Variants in XPNPEP1 observed in about 807,000 individuals in gnomAD.
The protein encoded by XPNPEP1 is X-prolyl aminopeptidase 1.
XPNPEP1 carries 39 observed loss-of-function variants against 92.4 expected under a neutral mutation model. The ratio of observed to expected loss-of-function variants is 0.42; its 90% confidence interval spans 0.33 to 0.55. The LOEUF is 0.55. Among genes scored for constraint, XPNPEP1 ranks in the 20% least tolerant of loss-of-function variants. The pLI is 0.08. For missense variants in XPNPEP1, 654 were observed against 856.1 expected, an observed-to-expected ratio of 0.76 and a Z score of 2.95; for synonymous variants, 307 against 299.4, an observed-to-expected ratio of 1.03 and a Z score of -0.26.
chr10:109,868,564 GTC>G, intron 20 of XPNPEP1, 48 bp downstream of exon 20: 3 of 1,428,870 alleles, frequency 2.1e-6, no homozygotes, highest in Non-Finnish European at 2.9e-6. Flanking sequence ...ATTTAAGGTA[GTC>G]TCCACCTCCC....
chr10:109,880,753 G>T (rs1422400254), intron 11 of XPNPEP1, 89 bp downstream of exon 11: 6 of 1,305,280 alleles, frequency 4.6e-6, no homozygotes, highest in African/African-American at 2.9e-5. Flanking sequence ...TTCTAACCTT[G>T]TGCCAGGCTC....
At chr10:109,906,301 G>C (rs1589617972) in intron 3 of XPNPEP1, among the ~76,000 whole-genome samples, 1 of 152,132 alleles carries the variant, frequency 6.6e-6, no homozygotes, top group South Asian at 2.1e-4. Flanking sequence ...TGAATTTGGG[G>C]GATTAAGGTT....
At chr10:109,908,989 G>A (rs1438726891) in intron 2 of XPNPEP1, among the ~76,000 whole-genome samples, 1 of 152,092 alleles carries the variant, frequency 6.6e-6, no homozygotes, top group Non-Finnish European at 1.5e-5. Flanking sequence ...TGGCGGGAGT[G>A]GCCGGGTGCG....
At chr10:109,912,178 C>G (rs1278663521) in intron 2 of XPNPEP1, among the ~76,000 whole-genome samples, 1 of 152,164 alleles carries the variant, frequency 6.6e-6, no homozygotes, top group Non-Finnish European at 1.5e-5. Context: ...TGACACTCCC[C>G]TCCACAATGC....
In XPNPEP1 at chr10:109,870,759, G is replaced by A. The variant is rs772806026; in HGVS notation, c.1668C>T (p.Pro556=). 4.0e-5 allele frequency: 64 copies of A among 1,613,946 alleles called. No individual in the cohort carries two copies. The Admixed American group carries it at 6.8e-4, about 17-fold the overall frequency. The change falls in exon 18 of 21, where the codon CCC becomes CCT. Residue 556 remains proline (P), a synonymous_variant. Transcript: ENST00000502935. Reference sequence around the variant, plus strand: ...CAGTGACAATCATGCCTGCCTCCAAGGGCTCATCAGAGAATGTTTTGTAAC... The same window carrying A: ...CAGTGACAATCATGCCTGCCTCCAAAGGCTCATCAGAGAATGTTTTGTAAC... ...GISYKTFSDE[P]LEAGMIVTDE... is the part of the protein sequence containing the mutation.
intron 7 of XPNPEP1, among the ~76,000 whole-genome samples, chr10:109,887,826 A>G (rs1473122562): frequency 1.3e-5 from 2 of 152,238 alleles, no homozygotes; most frequent in Non-Finnish European, 2.9e-5. Flanking sequence ...CACCCAAACG[A>G]GCTTTGCGAA....
At chr10:109,891,678 C>T in intron 5 of XPNPEP1, 44 bp downstream of exon 5, 1 of 1,486,752 alleles carries the variant, frequency 6.7e-7, no homozygotes, top group Non-Finnish European at 9.0e-7. Context: ...GATCCCTGCC[C>T]AGATCAGGCC....
rs537765183 is a variant in XPNPEP1 at position 109,867,770 on chromosome 10, C to T, written c.1872+844G>A. On this transcript the variant is annotated intron_variant, in intron 20 of 20. Transcript: ENST00000502935. This position sits in a 1 kb window ranked among gnomAD's most constrained non-coding sequence, Gnocchi z 4.5. ...CCCACCGTGCTTACCCTGCCTTCGG[C>T]TCCCACCAGTCATTTGCTTTTCATT... Among the ~76,000 whole-genome samples, 11 of 152,362 alleles carry T rather than the reference C, an allele frequency of 7.2e-5. No homozygotes were observed. Among genetic ancestry groups the T allele is most frequent in the Non-Finnish European group, 1.2e-4 (8 of 68,040 alleles).
intron 3 of XPNPEP1, 57 bp from the exon 4 acceptor site, chr10:109,893,132 T>C: frequency 3.3e-6 from 5 of 1,534,532 alleles, no homozygotes; most frequent in Non-Finnish European, 4.5e-6. Context: ...CAGACTGTTC[T>C]GCCTGCTTAG....
chr10:109,892,162 A>C (rs1848738358), intron 4 of XPNPEP1, among the ~76,000 whole-genome samples: 1 of 152,164 alleles, frequency 6.6e-6, no homozygotes, highest in Non-Finnish European at 1.5e-5. Flanking sequence ...AACAAGACAC[A>C]GGGAGGGATG....
intron 20 of XPNPEP1, among the ~76,000 whole-genome samples, chr10:109,866,057 C>T (rs1265177589): frequency 2.0e-5 from 3 of 152,156 alleles, no homozygotes; most frequent in Non-Finnish European, 4.4e-5. Flanking sequence ...TGGAGTGAAG[C>T]AGGTTTTACC....
rs151277730 is a variant in XPNPEP1, at chr10:109,911,779, T to C, written c.121+3232A>G. 7.2e-5 allele frequency among the ~76,000 whole-genome samples: 11 copies of C among 152,296 alleles called. No homozygotes were observed. In the East Asian group the frequency reaches 2.1e-3, roughly 29 times the overall value. ...AGCCTTGGCTTCAGGAGTTTTAAAA[T>C]GCAAAAATATAAGAGTCTAATATAC... On this transcript the variant is annotated intron_variant, in intron 2 of 20. Transcript: ENST00000502935.
At position 109,889,218 on chromosome 10, in the gene XPNPEP1, C is replaced by T. The variant is rs563265394; in HGVS notation, c.416-623G>A. 2.0e-3 allele frequency among the ~76,000 whole-genome samples: 310 copies of T among 152,294 alleles called. 4 individuals carry two copies. The highest frequency in any genetic ancestry group is 6.6e-3 in the African/African-American group (276 of 41,570). The stretch of plus-strand genomic sequence containing the variant: ...GTTGTCTTTATTTATTTATTTACTT[C>T]TGAAGACAGAGTCTCACTCTGTTAT... On this transcript the variant is annotated intron_variant, in intron 5 of 20. Coordinates refer to ENST00000502935, the MANE Select transcript of XPNPEP1 (RefSeq NM_020383.4).
chr10:109,899,696 A>C (rs1889303), intron 3 of XPNPEP1, among the ~76,000 whole-genome samples: 2 of 152,212 alleles, frequency 1.3e-5, no homozygotes, highest in South Asian at 2.1e-4. Context: ...GAAAATCTGA[A>C]TCATGTCTTC....
chr10:109,914,108 T>A (rs150716150), intron 2 of XPNPEP1, among the ~76,000 whole-genome samples: 4 of 151,408 alleles, frequency 2.6e-5, no homozygotes, highest in Non-Finnish European at 5.9e-5. Context: ...AACACATGGT[T>A]CTCCTTAGTA....
Position 109,911,378 on chromosome 10 carries a change from T to G in XPNPEP1, c.122-3563A>C, listed in dbSNP as rs549357421. Among the ~76,000 whole-genome samples, 4 of 152,280 alleles carry G rather than the reference T, an allele frequency of 2.6e-5. No homozygotes were observed. The South Asian group carries it at 8.3e-4, about 32-fold the overall frequency. ...CTCCCGCCTCAGCTTCCCAAGTAAA[T>G]GGGACTACAGGTACACACCACCACA... On this transcript the variant is annotated intron_variant, in intron 2 of 20. Transcript: ENST00000502935.
intron 2 of XPNPEP1, 117 bp from the exon 3 acceptor site, chr10:109,907,932 T>A: frequency 6.8e-7 from 1 of 1,470,146 alleles, no homozygotes; most frequent in Non-Finnish European, 9.1e-7. Context: ...CCCAGTTAGG[T>A]CTTCAAATTG....
At chr10:109,884,623 G>GC (rs1478610875) in intron 8 of XPNPEP1, 3 of 152,652 alleles carry the variant, frequency 2.0e-5, no homozygotes, top group Non-Finnish European at 4.4e-5. Context: ...GGGTCAGTGA[G>GC]CCCCATGGAG....
intron 3 of XPNPEP1, among the ~76,000 whole-genome samples, chr10:109,895,509 C>A (rs954062142): frequency 2.6e-5 from 4 of 152,198 alleles, no homozygotes; most frequent in Non-Finnish European, 5.9e-5. Context: ...CCAGACATGA[C>A]CTAAGTGGTC....
Sources: gnomAD v4.1 joint callset for allele counts (sites outside exome capture counted in the v4.1 genomes callset) on GRCh38, gnomAD v4.1.1 for gene constraint, Gnocchi (gnomAD v3.1) non-coding constraint, MANE v1.5 for transcripts, NCBI Gene and HGNC (gene_info 2026-07-23, HGNC 2026-07-21) for gene names.